The following HMCN1 variants were observed in gnomAD, a reference collection of about 807,000 sequenced individuals.
HMCN1 encodes the protein hemicentin 1, also known as hemicentin-1.
In HMCN1, 321 loss-of-function variants were observed where a neutral mutation model predicts 625.9. That is an observed-to-expected ratio of 0.51 (90% CI 0.47 to 0.56). The LOEUF (loss-of-function observed/expected upper bound fraction) is 0.56, where lower values mean the gene tolerates loss of function less well. HMCN1 is among the 20% of genes least tolerant of loss of function. The probability of loss-of-function intolerance (pLI) is 0.00; values close to 1 mark genes in which losing one functional copy is unlikely to be tolerated. For missense variants in HMCN1, 6,588 were observed against 6,887.3 expected (o/e 0.96, Z 1.54); for synonymous variants, 2,425 against 2,417.6 (o/e 1.00, Z -0.09).
intron 10 of HMCN1, among the ~76,000 whole-genome samples, chr1:185,930,033 T>C (rs998377317): frequency 6.6e-6 from 1 of 152,176 alleles, no homozygotes; most frequent in African/African-American, 2.4e-5. Flanking sequence ...CATAAATAAC[T>C]GGGAAGTGCC....
At chr1:185,781,749 T>C (rs1250755832) in intron 1 of HMCN1, among the ~76,000 whole-genome samples, 1 of 152,098 alleles carries the variant, frequency 6.6e-6, no homozygotes, top group African/African-American at 2.4e-5. Flanking sequence ...ACATTTGCCG[T>C]ATAGTGCTTT....
chr1:185,919,298 C>T (rs1189310658), intron 6 of HMCN1, among the ~76,000 whole-genome samples: 2 of 152,100 alleles, frequency 1.3e-5, no homozygotes, highest in Non-Finnish European at 2.9e-5. Flanking sequence ...AAAGTCTTCT[C>T]CCAGCACTCC....
intron 17 of HMCN1, among the ~76,000 whole-genome samples, chr1:185,981,875 T>C (rs779570926): frequency 6.6e-6 from 1 of 152,178 alleles, no homozygotes; most frequent in Non-Finnish European, 1.5e-5. Flanking sequence ...TCCAGTGTAC[T>C]TACAGTTTTC....
At chr1:186,079,351 T>C (rs888275253) in intron 55 of HMCN1, among the ~76,000 whole-genome samples, 4 of 152,170 alleles carry the variant, frequency 2.6e-5, no homozygotes, top group Admixed American at 2.6e-4. Context: ...TGGCTCTCCC[T>C]TACAGTGGTC....
At chr1:185,892,814 C>T (rs906239735) in intron 4 of HMCN1, among the ~76,000 whole-genome samples, 3 of 152,186 alleles carry the variant, frequency 2.0e-5, no homozygotes, top group Non-Finnish European at 4.4e-5. Context: ...GCAGGCAGGC[C>T]TCCTTGAGCT....
chr1:186,119,041 A>T, intron 77 of HMCN1, 150 bp from the exon 78 acceptor site: 1 of 656,880 alleles, frequency 1.5e-6, no homozygotes, highest in Admixed American at 2.3e-5. Flanking sequence ...TAATTTAAGT[A>T]CTGTGCTAGG....
intron 4 of HMCN1, among the ~76,000 whole-genome samples, chr1:185,907,098 G>A (rs113185907): frequency 0.031 from 4,728 of 151,580 alleles, 223 homozygotes; most frequent in African/African-American, 0.11. Context: ...TCATATGGAC[G>A]GATTTGATAA....
chr1:185,779,258 A>G (rs1353819360), intron 1 of HMCN1, among the ~76,000 whole-genome samples: 1 of 152,114 alleles, frequency 6.6e-6, no homozygotes, highest in Non-Finnish European at 1.5e-5. Flanking sequence ...CCTTTGTCAG[A>G]TGAGTAGATT....
At chr1:185,989,163 T>G (rs140561202) in intron 20 of HMCN1, among the ~76,000 whole-genome samples, 6 of 151,710 alleles carry the variant, frequency 4.0e-5, no homozygotes, top group Admixed American at 2.6e-4. Context: ...GCCTGCCACC[T>G]CGCCCGGCTA....
chr1:185,775,607 C>T (rs756713900), intron 1 of HMCN1, among the ~76,000 whole-genome samples: 1 of 152,092 alleles, frequency 6.6e-6, no homozygotes, highest in Non-Finnish European at 1.5e-5. Context: ...GGATGAAAGC[C>T]AGGTAGGGCA....
chr1:186,152,390 T>C (rs1650730133), intron 95 of HMCN1, among the ~76,000 whole-genome samples: 1 of 152,242 alleles, frequency 6.6e-6, no homozygotes, highest in Non-Finnish European at 1.5e-5. Flanking sequence ...CAGATGTCCT[T>C]TGTTACTTTT....
chr1:186,189,659 G>A lies in HMCN1; in HGVS notation c.16689G>A (p.Met5563Ile). The A allele has an allele frequency of 1.9e-6, 3 of 1,611,984 alleles. No individual in the cohort carries two copies. Among genetic ancestry groups the A allele is most frequent in the Non-Finnish European group, 2.5e-6 (3 of 1,178,658 alleles). The change falls in exon 107 of 107, where the codon ATG becomes ATA. Residue 5563 changes from methionine to isoleucine, a missense_variant. By Grantham distance (10) the Met-to-Ile change is conservative (BLOSUM62 1). Transcript: ENST00000271588. ...RLVAYTQDGV[M>I]HPRTTFLMVD... ...TTGCATACACACAGGATGGAGTGAT[G>A]CATCCCAGGACAACTTTCCTCATGG...
chr1:185,770,975 G>A (rs995936715), intron 1 of HMCN1, among the ~76,000 whole-genome samples: 1 of 152,082 alleles, frequency 6.6e-6, no homozygotes, highest in Non-Finnish European at 1.5e-5. Context: ...GTCATTACAG[G>A]TGAAAGCTGG....
chr1:185,989,094 A>G (rs1401676366), intron 20 of HMCN1, among the ~76,000 whole-genome samples: 16 of 132,862 alleles, frequency 1.2e-4, no homozygotes, highest in East Asian at 2.2e-4. Context: ...TGCAAGTTCC[A>G]CCTCCCGGGT....
chr1:186,039,669 C>G lies in HMCN1; in HGVS notation c.6029-59C>G. Reference sequence around the variant, plus strand: ...TGTAGACATTAGATGTAGTTTTCATCATTTGAGATCACAAATCCTGTGATA... The same window carrying G: ...TGTAGACATTAGATGTAGTTTTCATGATTTGAGATCACAAATCCTGTGATA... On this transcript the variant is annotated intron_variant, in intron 38 of 106. Coordinates refer to ENST00000271588, the MANE Select transcript of HMCN1 (RefSeq NM_031935.3). 3 of 1,544,626 alleles carry G rather than the reference C, an allele frequency of 1.9e-6. No homozygotes were observed. The East Asian group carries it at 6.8e-5, about 35-fold the overall frequency.
chr1:186,092,380 T>C (rs533197399), intron 64 of HMCN1, among the ~76,000 whole-genome samples: 4 of 152,040 alleles, frequency 2.6e-5, no homozygotes, highest in Non-Finnish European at 4.4e-5. Flanking sequence ...GATAATAATA[T>C]AGCTCTCAAT....
chr1:185,794,343 T>TTATATATATATATATATATA (rs61058896), intron 1 of HMCN1, among the ~76,000 whole-genome samples: 19 of 147,636 alleles, frequency 1.3e-4, no homozygotes, highest in African/African-American at 4.8e-4. Flanking sequence ...AGAGGATAGA[T>TTATATATATATATATATATA]TATATATATA....
chr1:185,857,646 T>C (rs1662554541), intron 2 of HMCN1, among the ~76,000 whole-genome samples: 1 of 152,174 alleles, frequency 6.6e-6, no homozygotes, highest in South Asian at 2.1e-4. Context: ...TTAGAAGGTT[T>C]AGTTCTGGAA....
chr1:185,892,702 T>G (rs1665193377), intron 4 of HMCN1, among the ~76,000 whole-genome samples: 1 of 151,866 alleles, frequency 6.6e-6, no homozygotes, highest in African/African-American at 2.4e-5. Flanking sequence ...GGAGAACCAC[T>G]GCTCTCTTCA....
Sources: gnomAD v4.1 joint callset for allele counts (sites outside exome capture counted in the v4.1 genomes callset) on GRCh38, gnomAD v4.1.1 for gene constraint, MANE v1.5 for transcripts, NCBI Gene and HGNC (gene_info 2026-07-23, HGNC 2026-07-21) for gene names.